Variants in NIPAL2 observed in about 807,000 individuals in gnomAD.
NIPAL2 encodes NIPA-like protein 2.
In NIPAL2, 43 loss-of-function variants were observed where a neutral mutation model predicts 48.9. The observed-to-expected ratio is 0.88, with a 90% CI of 0.69 to 1.13. NIPAL2 has a LOEUF of 1.13. NIPAL2 is among the 50% of genes most tolerant of loss of function. NIPAL2 has a pLI of 0.00. For synonymous variants in NIPAL2, 167 were observed against 174.6 expected (o/e 0.96, Z 0.34); for missense variants, 446 against 461.4 (o/e 0.97, Z 0.31).
chr8:98,266,902 G>C (rs1469196064), intron 1 of NIPAL2, among the ~76,000 whole-genome samples: 1 of 152,014 alleles, frequency 6.6e-6, no homozygotes, highest in Non-Finnish European at 1.5e-5. Flanking sequence ...GTGATACTAA[G>C]AGGTAATAAT....
At chr8:98,219,788 A>C (rs181083734) in intron 5 of NIPAL2, among the ~76,000 whole-genome samples, 8 of 152,156 alleles carry the variant, frequency 5.3e-5, no homozygotes, top group Admixed American at 3.9e-4. Flanking sequence ...CTCCTAATAA[A>C]CAAATCTGAC....
At chr8:98,219,009 G>A (rs1401504547) in intron 5 of NIPAL2, among the ~76,000 whole-genome samples, 1 of 152,174 alleles carries the variant, frequency 6.6e-6, no homozygotes, top group East Asian at 1.9e-4. Flanking sequence ...AATGTGAAAA[G>A]GGGGTCAAGT....
chr8:98,276,814 C>G lies in NIPAL2; in HGVS notation c.135+17189G>C, dbSNP rs1034913180. 4.0e-5 allele frequency among the ~76,000 whole-genome samples: 6 copies of G among 150,956 alleles called. No homozygotes were observed. In the East Asian group the frequency reaches 7.8e-4, roughly 20 times the overall value. ...TTTTGAGACAGTCTCACTCTGTTGC[C>G]CAGGCTGAAGTGCAGTTGCGCGATC... On this transcript the variant is annotated intron_variant, in intron 1 of 10. Coordinates refer to ENST00000430223, the MANE Select transcript of NIPAL2 (RefSeq NM_001321635.2).
intron 1 of NIPAL2, among the ~76,000 whole-genome samples, chr8:98,285,893 T>G (rs1274091565): frequency 6.6e-6 from 1 of 152,156 alleles, no homozygotes; most frequent in African/African-American, 2.4e-5. Context: ...ATTTGAGAGT[T>G]GCAAAGAAGG....
intron 1 of NIPAL2, among the ~76,000 whole-genome samples, chr8:98,266,457 C>T (rs1176641230): frequency 1.3e-5 from 2 of 151,192 alleles, no homozygotes; most frequent in South Asian, 2.1e-4. Flanking sequence ...AAAAAATTAG[C>T]CAGGCATAGC....
Position 98,261,576 on chromosome 8 carries a change from G to GA in NIPAL2, c.136-7490dup, listed in dbSNP as rs1264439117. Among the ~76,000 whole-genome samples the GA allele has an allele frequency of 2.0e-4, 23 of 116,708 alleles. No homozygotes were observed. The South Asian group carries it at 7.8e-3, about 40-fold the overall frequency. 76.6% of individuals were successfully genotyped at this position (116,708 alleles called of 152,430 possible). On this transcript the variant is annotated intron_variant, in intron 1 of 10. Transcript: ENST00000430223. ...AATGAAGCGAGAAGGGAAGTTTAGA[G>GA]AAAAAAGAATAAAAAGAAATGAGCA...
At chr8:98,288,991 C>T (rs910500485) in intron 1 of NIPAL2, among the ~76,000 whole-genome samples, 1 of 152,164 alleles carries the variant, frequency 6.6e-6, no homozygotes, top group African/African-American at 2.4e-5. Flanking sequence ...AGTGTGTGCT[C>T]CCAAATACTA....
chr8:98,265,835 A>T (rs1266665804), intron 1 of NIPAL2, among the ~76,000 whole-genome samples: 1 of 149,486 alleles, frequency 6.7e-6, no homozygotes, highest in Non-Finnish European at 1.5e-5. Context: ...ATGCACACGT[A>T]TGTTTATTGC....
chr8:98,247,458 G>C (rs1242755944), intron 3 of NIPAL2, among the ~76,000 whole-genome samples: 1 of 152,098 alleles, frequency 6.6e-6, no homozygotes, highest in Non-Finnish European at 1.5e-5. Context: ...CAGGGTTGCT[G>C]TGTGTGGTTG....
intron 6 of NIPAL2, among the ~76,000 whole-genome samples, chr8:98,208,602 C>A (rs1586310110): frequency 6.6e-6 from 1 of 152,124 alleles, no homozygotes; most frequent in African/African-American, 2.4e-5. Context: ...GCACCCACAA[C>A]CACACCTGGC....
At chr8:98,245,248 A>C (rs1242249329) in intron 3 of NIPAL2, among the ~76,000 whole-genome samples, 3 of 152,266 alleles carry the variant, frequency 2.0e-5, no homozygotes, top group Non-Finnish European at 4.4e-5. Context: ...TCACAGGCAG[A>C]GTCAACTCTA....
chr8:98,215,600 A>G (rs1811536585), intron 5 of NIPAL2, among the ~76,000 whole-genome samples: 1 of 152,194 alleles, frequency 6.6e-6, no homozygotes, highest in East Asian at 1.9e-4. Context: ...TTTACAGGTG[A>G]GGAAACTGAG....
chr8:98,279,806 G>A (rs1815695347), intron 1 of NIPAL2, among the ~76,000 whole-genome samples: 1 of 152,186 alleles, frequency 6.6e-6, no homozygotes, highest in Non-Finnish European at 1.5e-5. Flanking sequence ...TAATAATGTA[G>A]TTATAAGTAG....
At chr8:98,214,759 T>C (rs1432205222) in intron 5 of NIPAL2, among the ~76,000 whole-genome samples, 1 of 152,212 alleles carries the variant, frequency 6.6e-6, no homozygotes, top group Non-Finnish European at 1.5e-5. Flanking sequence ...TTTCATCTAA[T>C]ATGGAAGATG....
intron 2 of NIPAL2, 72 bp downstream of exon 2, chr8:98,253,947 C>T: frequency 2.2e-6 from 2 of 916,302 alleles, no homozygotes; most frequent in South Asian, 1.9e-5. Context: ...ACAAAAGTGC[C>T]CAATGCCCAT....
intron 7 of NIPAL2, 55 bp downstream of exon 7, chr8:98,205,056 C>T (rs1032368746): frequency 7.6e-6 from 12 of 1,580,290 alleles, no homozygotes; most frequent in Non-Finnish European, 9.5e-6. Flanking sequence ...AAGATTAATG[C>T]CCAGAGAAGC....
chr8:98,263,936 TC>T (rs1173963389), intron 1 of NIPAL2, among the ~76,000 whole-genome samples: 1 of 132,744 alleles, frequency 7.5e-6, no homozygotes. Context: ...TCCACCATGA[TC>T]AAGTGGGCTT....
At chr8:98,200,693 C>G (rs1810756990) in intron 8 of NIPAL2, among the ~76,000 whole-genome samples, 1 of 152,134 alleles carries the variant, frequency 6.6e-6, no homozygotes, top group Admixed American at 6.5e-5. Context: ...TTTTGAGGAA[C>G]TGCCACACTG....
chr8:98,236,851 C>CAAAAAAAAA (rs34210829), intron 3 of NIPAL2, among the ~76,000 whole-genome samples: 77 of 66,890 alleles, frequency 1.2e-3, no homozygotes, highest in South Asian at 3.2e-3. Context: ...GATCCTGTCT[C>CAAAAAAAAA]AAAAAAAAAA....
Sources: allele counts gnomAD v4.1 joint callset (sites outside exome capture counted in the v4.1 genomes callset), GRCh38; gene constraint gnomAD v4.1.1; transcripts MANE v1.5; gene names NCBI Gene and HGNC (gene_info 2026-07-23, HGNC 2026-07-21).